The following ACSM1 variants were observed in gnomAD, a reference collection of about 807,000 sequenced individuals.
ACSM1 encodes the protein acyl-CoA synthetase medium chain family member 1.
Under a neutral mutation model 75.8 loss-of-function variants are expected in ACSM1, and 79 were observed. The observed-to-expected ratio is 1.04, with a 90% CI of 0.87 to 1.26. The LOEUF (loss-of-function observed/expected upper bound fraction) is 1.26, where lower values mean the gene tolerates loss of function less well. ACSM1 is among the 50% of genes most tolerant of loss of function. The pLI, the probability that ACSM1 is intolerant of heterozygous loss-of-function variation, is 0.00. For synonymous variants in ACSM1, 279 were observed against 265.8 expected, an observed-to-expected ratio of 1.05 and a Z score of -0.48; for missense variants, 676 against 720.1, an observed-to-expected ratio of 0.94 and a Z score of 0.70.
At chr16:20,673,440 G>T (rs973196521) in intron 4 of ACSM1, among the ~76,000 whole-genome samples, 3 of 152,146 alleles carry the variant, frequency 2.0e-5, no homozygotes, top group Non-Finnish European at 4.4e-5. Context: ...TACAGCATAA[G>T]ATGTGACTTT....
intron 12 of ACSM1, among the ~76,000 whole-genome samples, chr16:20,625,060 G>A (rs913843959): frequency 2.0e-5 from 3 of 152,064 alleles, no homozygotes; most frequent in Non-Finnish European, 4.4e-5. Flanking sequence ...GTATGTTCGG[G>A]AGCCACATTG....
chr16:20,624,022 T>C (rs1425160351), intron 13 of ACSM1, 74 bp downstream of exon 13: 3 of 1,584,412 alleles, frequency 1.9e-6, no homozygotes, highest in Admixed American at 3.4e-5. Context: ...GTTTGTTACC[T>C]CCAGTGATAC....
At chr16:20,636,223 T>G (rs1030430521) in intron 10 of ACSM1, among the ~76,000 whole-genome samples, 1 of 152,202 alleles carries the variant, frequency 6.6e-6, no homozygotes. Flanking sequence ...GGCCATTGCT[T>G]ATTTGATCAG....
At chr16:20,664,091 G>A (rs959755223) in intron 6 of ACSM1, among the ~76,000 whole-genome samples, 1 of 152,128 alleles carries the variant, frequency 6.6e-6, no homozygotes, top group South Asian at 2.1e-4. Flanking sequence ...GGACTAAGTT[G>A]ACAGGGGTGG....
chr16:20,637,735 C>A (rs1020716659), intron 8 of ACSM1, among the ~76,000 whole-genome samples: 1 of 152,178 alleles, frequency 6.6e-6, no homozygotes, highest in African/African-American at 2.4e-5. Context: ...ACAGGGTATT[C>A]CCCTGGCTGT....
At chr16:20,666,083 G>T (rs1225081333) in intron 6 of ACSM1, among the ~76,000 whole-genome samples, 10 of 152,070 alleles carry the variant, frequency 6.6e-5, no homozygotes, top group Admixed American at 6.6e-4. Context: ...AGTGTAGGAT[G>T]CCCACTCTCA....
intron 10 of ACSM1, among the ~76,000 whole-genome samples, chr16:20,634,652 T>C (rs1055251654): frequency 6.6e-6 from 1 of 152,186 alleles, no homozygotes; most frequent in African/African-American, 2.4e-5. Context: ...GGCAAATTCA[T>C]AGATTTTAAA....
At chr16:20,637,516 A>C in intron 8 of ACSM1, 65 bp from the exon 9 acceptor site, 16 of 1,302,428 alleles carry the variant, frequency 1.2e-5, no homozygotes, top group Non-Finnish European at 1.8e-5. Context: ...AAGCAGTCAG[A>C]ATCATACACA....
At position 20,637,430 on chromosome 16, in the gene ACSM1, A is replaced by G; in HGVS notation, c.1138T>C (p.Trp380Arg). 8.7e-6 allele frequency: 14 copies of G among 1,614,024 alleles called. No homozygotes were observed. The highest frequency in any genetic ancestry group is 1.2e-5 in the Non-Finnish European group (14 of 1,180,004). Residue 380 changes from tryptophan to arginine, a missense_variant, in exon 9 of 14, where the codon TGG becomes CGG. Transcript: ENST00000520010. ...AAACCCGGCTTGATCTTCATTCCCC[A>G]GTAGGTGGCACAAATTAGTCCCTGT... ...SETGLICATY[W>R]GMKIKPGFMG...
chr16:20,631,184 T>C (rs2152196610), intron 10 of ACSM1, among the ~76,000 whole-genome samples: 1 of 152,280 alleles, frequency 6.6e-6, no homozygotes, highest in South Asian at 2.1e-4. Context: ...TGGTGTCTGG[T>C]GAGGCTTCAT....
intron 7 of ACSM1, among the ~76,000 whole-genome samples, chr16:20,645,292 A>T (rs1304667619): frequency 6.6e-6 from 1 of 152,194 alleles, no homozygotes; most frequent in East Asian, 1.9e-4. Flanking sequence ...AGGACTATAG[A>T]GGATGCTCTA....
At chr16:20,691,304 G>T in intron 1 of ACSM1, 65 bp from the exon 2 acceptor site, 1 of 876,676 alleles carries the variant, frequency 1.1e-6, no homozygotes, top group Non-Finnish European at 1.7e-6. Context: ...TTGGGTGCAT[G>T]TTTTTGGTTA....
At chr16:20,625,579 G>T in intron 11 of ACSM1, 57 bp from the exon 12 acceptor site, 1 of 1,501,174 alleles carries the variant, frequency 6.7e-7, no homozygotes. Flanking sequence ...CAAGTCCCCA[G>T]ATCTCCTGCT....
chr16:20,639,694 T>C (rs903428366), intron 8 of ACSM1, among the ~76,000 whole-genome samples: 5 of 152,230 alleles, frequency 3.3e-5, no homozygotes, highest in African/African-American at 1.2e-4. Flanking sequence ...GAGCCTCTGG[T>C]TGGCATCAAA....
At chr16:20,645,410 G>C (rs1357623395) in intron 7 of ACSM1, among the ~76,000 whole-genome samples, 2 of 152,144 alleles carry the variant, frequency 1.3e-5, no homozygotes, top group Non-Finnish European at 2.9e-5. Context: ...ATGTATTCTG[G>C]AGAATTCAGG....
chr16:20,634,515 C>T (rs2017537925), intron 10 of ACSM1, among the ~76,000 whole-genome samples: 1 of 152,276 alleles, frequency 6.6e-6, no homozygotes, highest in South Asian at 2.1e-4. Context: ...TTCAGACTTA[C>T]AGAGGAATGA....
At chr16:20,662,015 CA>C (rs2019327055) in intron 6 of ACSM1, 142 bp from the exon 7 acceptor site, 3 of 495,050 alleles carry the variant, frequency 6.1e-6, no homozygotes, top group South Asian at 3.3e-5. Flanking sequence ...ACATACTGAG[CA>C]TGGATTTCAT....
intron 7 of ACSM1, among the ~76,000 whole-genome samples, chr16:20,652,293 T>G (rs894821696): frequency 6.6e-6 from 1 of 152,120 alleles, no homozygotes; most frequent in South Asian, 2.1e-4. Context: ...TAATTTCCAA[T>G]TTAAGAAATT....
chr16:20,669,857 C>T lies in ACSM1; in HGVS notation c.882G>A (p.Leu294=). The change falls in exon 6 of 14, where the codon CTG becomes CTA. Residue 294 remains leucine (L), a synonymous_variant. Transcript: ENST00000520010. ...TAGCTVFIHH[L]PQFDTKVIIQ... Reference sequence around the variant, plus strand: ...TGATGACCTTGGTGTCAAACTGTGGCAGATGGTGGATAAAGACTGTACAAC... The same window carrying T: ...TGATGACCTTGGTGTCAAACTGTGGTAGATGGTGGATAAAGACTGTACAAC... The T allele has an allele frequency of 6.2e-7, 1 of 1,613,916 alleles. No individual in the cohort carries two copies. The highest frequency in any genetic ancestry group is 8.5e-7 in the Non-Finnish European group (1 of 1,179,882).
Sources: gnomAD v4.1 joint callset for allele counts (sites outside exome capture counted in the v4.1 genomes callset) on GRCh38, gnomAD v4.1.1 for gene constraint, MANE v1.5 for transcripts, NCBI Gene and HGNC (gene_info 2026-07-23, HGNC 2026-07-21) for gene names.